The following ARHGAP15 variants were observed in gnomAD, a reference collection of about 807,000 sequenced individuals.
ARHGAP15 encodes rho GTPase-activating protein 15.
In ARHGAP15, 51 loss-of-function variants were observed where a neutral mutation model predicts 63.7. The ratio of observed to expected loss-of-function variants is 0.80; its 90% CI spans 0.64 to 1.01. The LOEUF is 1.01. Ranked by LOEUF, ARHGAP15 falls within the 50% of genes least tolerant of loss-of-function variation. ARHGAP15 has a pLI of 0.00. For synonymous variants in ARHGAP15, 191 were observed against 193.8 expected (o/e 0.99, Z 0.12); for missense variants, 560 against 564.6 (o/e 0.99, Z 0.08).
At chr2:143,344,122 C>G (rs1270994760) in intron 6 of ARHGAP15, 1 of 152,094 alleles carries the variant, frequency 6.6e-6, no homozygotes, top group East Asian at 1.9e-4. Context: ...TTCCAAATTC[C>G]CTTTCAATAA....
At chr2:143,272,865 CA>C (rs1319338995) in intron 6 of ARHGAP15, among the ~76,000 whole-genome samples, 1 of 152,142 alleles carries the variant, frequency 6.6e-6, no homozygotes, top group Non-Finnish European at 1.5e-5. Flanking sequence ...CAGGTCGATC[CA>C]GAATCTTGCT....
At chr2:143,582,411 C>T (rs910639652) in intron 11 of ARHGAP15, among the ~76,000 whole-genome samples, 5 of 152,126 alleles carry the variant, frequency 3.3e-5, no homozygotes, top group African/African-American at 1.2e-4. Context: ...AAACTAGATG[C>T]AGACTCTGTG....
intron 10 of ARHGAP15, among the ~76,000 whole-genome samples, chr2:143,547,671 T>C (rs1695389207): frequency 7.0e-6 from 1 of 143,428 alleles, no homozygotes. Context: ...TGTATCCAAA[T>C]TGAGGAGGGA....
At chr2:143,225,618 A>G (rs1693181463) in intron 4 of ARHGAP15, among the ~76,000 whole-genome samples, 1 of 107,260 alleles carries the variant, frequency 9.3e-6, no homozygotes, top group African/African-American at 3.8e-5. Context: ...AAAACAAAAC[A>G]AAACAAAACA....
chr2:143,662,933 G>T (rs999725160), intron 12 of ARHGAP15, among the ~76,000 whole-genome samples: 14 of 144,928 alleles, frequency 9.7e-5, no homozygotes, highest in African/African-American at 2.9e-4. Flanking sequence ...CCAACTCTAC[G>T]TCTGATTGGC....
chr2:143,227,773 C>G (rs1693273159), intron 4 of ARHGAP15, among the ~76,000 whole-genome samples: 2 of 152,076 alleles, frequency 1.3e-5, no homozygotes, highest in African/African-American at 4.8e-5. Context: ...ATGGAATTAA[C>G]AAGTAATGAT....
At chr2:143,255,707 C>T (rs376269070) in intron 6 of ARHGAP15, among the ~76,000 whole-genome samples, 16 of 152,056 alleles carry the variant, frequency 1.1e-4, no homozygotes, top group East Asian at 5.8e-4. Flanking sequence ...AAAATAAATC[C>T]GAGCTTTTAC....
intron 6 of ARHGAP15, among the ~76,000 whole-genome samples, chr2:143,318,276 G>C (rs1168508201): frequency 6.6e-6 from 1 of 152,040 alleles, no homozygotes; most frequent in African/African-American, 2.4e-5. Context: ...AAAGAGCTGG[G>C]TTTATAGGTG....
At chr2:143,143,814 A>C (rs1258910649) in intron 1 of ARHGAP15, among the ~76,000 whole-genome samples, 1 of 151,878 alleles carries the variant, frequency 6.6e-6, no homozygotes, top group Non-Finnish European at 1.5e-5. Flanking sequence ...TTTGTTACCT[A>C]GATAAACTTG....
At chr2:143,287,704 G>A (rs924098448) in intron 6 of ARHGAP15, among the ~76,000 whole-genome samples, 2 of 152,076 alleles carry the variant, frequency 1.3e-5, no homozygotes, top group African/African-American at 4.8e-5. Flanking sequence ...TCGGGAGGGT[G>A]AGGCAGGAGA....
At chr2:143,193,988 G>T (rs1204087879) in intron 2 of ARHGAP15, among the ~76,000 whole-genome samples, 1 of 152,166 alleles carries the variant, frequency 6.6e-6, no homozygotes, top group East Asian at 1.9e-4. Flanking sequence ...ATTTGAGACT[G>T]AAAATAAAGC....
intron 12 of ARHGAP15, 40 bp downstream of exon 12, chr2:143,624,307 T>A (rs1698756466): frequency 6.3e-7 from 1 of 1,576,176 alleles, no homozygotes; most frequent in Non-Finnish European, 8.6e-7. Context: ...TAGAATAACC[T>A]GACATCCTGG....
chr2:143,395,789 CAG>C (rs1558942765), intron 6 of ARHGAP15, among the ~76,000 whole-genome samples: 1 of 151,992 alleles, frequency 6.6e-6, no homozygotes. Flanking sequence ...ATGAGAAAGA[CAG>C]AAAGGCATAA....
intron 2 of ARHGAP15, among the ~76,000 whole-genome samples, chr2:143,158,827 A>T (rs1690183185): frequency 6.6e-6 from 1 of 151,938 alleles, no homozygotes; most frequent in Admixed American, 6.6e-5. Context: ...GGGGCAAGTG[A>T]ACTGTGCCTG....
At chr2:143,181,237 G>A (rs1432436933) in intron 2 of ARHGAP15, among the ~76,000 whole-genome samples, 1 of 151,976 alleles carries the variant, frequency 6.6e-6, no homozygotes. Flanking sequence ...AGGCTTTGTT[G>A]TTCCATTTAT....
At chr2:143,245,658 G>A (rs1190388152) in intron 5 of ARHGAP15, among the ~76,000 whole-genome samples, 2 of 151,670 alleles carry the variant, frequency 1.3e-5, no homozygotes, top group Non-Finnish European at 1.5e-5. Context: ...CATGGTTAGA[G>A]GCTGAAGGAC....
intron 8 of ARHGAP15, among the ~76,000 whole-genome samples, chr2:143,463,833 A>G (rs1008721656): frequency 6.6e-6 from 1 of 152,210 alleles, no homozygotes; most frequent in African/African-American, 2.4e-5. Flanking sequence ...TTGAATGACT[A>G]GGCTATATAG....
intron 6 of ARHGAP15, among the ~76,000 whole-genome samples, chr2:143,423,635 A>G (rs891115612): frequency 1.3e-5 from 2 of 152,154 alleles, no homozygotes; most frequent in African/African-American, 4.8e-5. Context: ...ACTTTCCGGA[A>G]TAGGCAGTGT....
chr2:143,497,882 T>G (rs1382088485), intron 9 of ARHGAP15, among the ~76,000 whole-genome samples: 1 of 152,210 alleles, frequency 6.6e-6, no homozygotes, highest in East Asian at 1.9e-4. Flanking sequence ...AATGGGATTT[T>G]AGAGTTCACA....
Sources: gnomAD v4.1 joint callset for allele counts (sites outside exome capture counted in the v4.1 genomes callset) on GRCh38, gnomAD v4.1.1 for gene constraint, MANE v1.5 for transcripts, NCBI Gene and HGNC (gene_info 2026-07-23, HGNC 2026-07-21) for gene names.